The following CIB4 variants were observed in gnomAD, a reference collection of about 807,000 sequenced individuals.
CIB4 encodes calcium and integrin-binding family member 4.
A neutral mutation model predicts 25.8 loss-of-function variants in CIB4; 25 were observed. The observed-to-expected ratio is 0.97, with a 90% CI of 0.71 to 1.35. The LOEUF (loss-of-function observed/expected upper bound fraction) is 1.35, where lower values mean the gene tolerates loss of function less well. CIB4 is among the 40% of genes most tolerant of loss of function. The pLI, the probability that CIB4 is intolerant of heterozygous loss-of-function variation, is 0.00. For missense variants in CIB4, 235 were observed against 228.2 expected (o/e 1.03, Z -0.19); for synonymous variants, 75 against 81.4 (o/e 0.92, Z 0.42).
At chr2:26,592,639 T>TC (rs1229640764) in intron 4 of CIB4, among the ~76,000 whole-genome samples, 1 of 152,198 alleles carries the variant, frequency 6.6e-6, no homozygotes, top group Non-Finnish European at 1.5e-5. Context: ...TGTTCCCCTT[T>TC]CCCTTGAATA....
At chr2:26,625,068 G>A (rs1669274617) in intron 3 of CIB4, among the ~76,000 whole-genome samples, 1 of 151,798 alleles carries the variant, frequency 6.6e-6, no homozygotes, top group African/African-American at 2.4e-5. Flanking sequence ...TGTAAGTCTG[G>A]GACATACTGT....
At chr2:26,610,706 T>G (rs1668981741) in intron 3 of CIB4, among the ~76,000 whole-genome samples, 1 of 152,220 alleles carries the variant, frequency 6.6e-6, no homozygotes, top group African/African-American at 2.4e-5. Context: ...TGTTAAATAT[T>G]TACTGTATAT....
At chr2:26,626,039 G>C (rs1281880945) in intron 3 of CIB4, among the ~76,000 whole-genome samples, 1 of 152,178 alleles carries the variant, frequency 6.6e-6, no homozygotes, top group African/African-American at 2.4e-5. Context: ...AGATCAGATG[G>C]TTGTAGGTGT....
intron 3 of CIB4, among the ~76,000 whole-genome samples, chr2:26,609,935 C>T (rs1324708161): frequency 6.6e-6 from 1 of 152,202 alleles, no homozygotes; most frequent in African/African-American, 2.4e-5. Flanking sequence ...CTGTAACTAA[C>T]AGGATGAAGT....
At position 26,595,326 on chromosome 2, in the gene CIB4, G is replaced by A. The variant is rs368654483; in HGVS notation, c.187-9C>T. ...TCTCTGAAAGGGTTGACCTGTGGGC[G>A]ACAGGAGGAGCAGGGAGGAGGTCTA... On this transcript the variant is annotated splice_polypyrimidine_tract_variant and intron_variant, in intron 3 of 6. Coordinates refer to ENST00000288861, the MANE Select transcript of CIB4 (RefSeq NM_001029881.3). 8.3e-5 allele frequency: 134 copies of A among 1,609,578 alleles called. No individual in the cohort carries two copies. The highest frequency in any genetic ancestry group is 2.5e-4 in the East Asian group (11 of 44,760).
At chr2:26,616,464 G>A (rs969595452) in intron 3 of CIB4, among the ~76,000 whole-genome samples, 25 of 152,206 alleles carry the variant, frequency 1.6e-4, no homozygotes, top group African/African-American at 5.3e-4. Flanking sequence ...CTTTCTCAGT[G>A]GAAGATTTGT....
intron 3 of CIB4, among the ~76,000 whole-genome samples, chr2:26,626,152 A>G (rs781079709): frequency 6.6e-6 from 1 of 152,152 alleles, no homozygotes; most frequent in Non-Finnish European, 1.5e-5. Flanking sequence ...TAGTATAGTT[A>G]GCTGAAGTCT....
chr2:26,606,612 G>A (rs184162763), intron 3 of CIB4, among the ~76,000 whole-genome samples: 1 of 152,262 alleles, frequency 6.6e-6, no homozygotes, highest in Admixed American at 6.5e-5. Context: ...CTAGCTGGTT[G>A]GTATGACCCT....
rs1669631273 is a variant in CIB4 at position 26,641,304 on chromosome 2, C to T, written c.11G>A (p.Cys4Tyr). 6.2e-7 allele frequency: 1 copy of T among 1,613,802 alleles called. No homozygotes were observed. Among genetic ancestry groups the T allele is most frequent in the Non-Finnish European group, 8.5e-7 (1 of 1,179,794 alleles). Residue 4 changes from cysteine to tyrosine, a missense_variant, in exon 1 of 7, where the codon TGC (cysteine) becomes TAC (tyrosine). Transcript: ENST00000288861. The stretch of plus-strand genomic sequence containing the variant: ...CTCCCAGTGCATCTGATACCTCAAG[C>T]ATTGCCCCATGCCAACCACACCTTT... MGQ[C>Y]LRYQMHWEDL...
At chr2:26,611,058 G>A (rs1193581293) in intron 3 of CIB4, among the ~76,000 whole-genome samples, 3 of 152,214 alleles carry the variant, frequency 2.0e-5, no homozygotes, top group African/African-American at 7.2e-5. Flanking sequence ...AAAATGCCCC[G>A]TGAATCCCTG....
chr2:26,637,754 G>A (rs1310122756), intron 2 of CIB4, among the ~76,000 whole-genome samples: 6 of 152,134 alleles, frequency 3.9e-5, no homozygotes, highest in Non-Finnish European at 7.4e-5. Context: ...ACTCTTCAAA[G>A]CTCTTGACAG....
chr2:26,586,541 T>C (rs1329095569), intron 4 of CIB4, among the ~76,000 whole-genome samples: 1 of 152,224 alleles, frequency 6.6e-6, no homozygotes, highest in South Asian at 2.1e-4. Flanking sequence ...GGCAGACATC[T>C]TTGTCTTTTT....
chr2:26,628,344 A>G (rs1422792234), intron 3 of CIB4, among the ~76,000 whole-genome samples: 1 of 152,168 alleles, frequency 6.6e-6, no homozygotes, highest in Non-Finnish European at 1.5e-5. Context: ...CTGTGGGGCC[A>G]GGAGTCTTAG....
At chr2:26,638,269 G>A (rs904413242) in intron 2 of CIB4, among the ~76,000 whole-genome samples, 1 of 152,218 alleles carries the variant, frequency 6.6e-6, no homozygotes, top group East Asian at 1.9e-4. Flanking sequence ...CTTCTCCGGG[G>A]AAAGGCACCT....
intron 6 of CIB4, 122 bp from the exon 7 acceptor site, chr2:26,581,515 G>A: frequency 1.1e-6 from 1 of 948,702 alleles, no homozygotes; most frequent in East Asian, 2.5e-5. Context: ...CTTTCTCTGG[G>A]TGACGGCCAC....
chr2:26,621,072 G>C (rs1275703132), intron 3 of CIB4, among the ~76,000 whole-genome samples: 1 of 151,976 alleles, frequency 6.6e-6, no homozygotes, highest in Non-Finnish European at 1.5e-5. Flanking sequence ...AAAGAAAACA[G>C]AAGGGAGAAA....
chr2:26,590,719 G>T (rs1668573469), intron 4 of CIB4, among the ~76,000 whole-genome samples: 1 of 152,150 alleles, frequency 6.6e-6, no homozygotes, highest in Admixed American at 6.5e-5. Context: ...GAGAATTCAG[G>T]GTTGTCTGAG....
chr2:26,581,460 C>T (rs903226368), intron 6 of CIB4, 67 bp from the exon 7 acceptor site: 3 of 1,504,822 alleles, frequency 2.0e-6, no homozygotes. Flanking sequence ...CTCCTGGGTT[C>T]ACAGTAGTCC....
chr2:26,586,975 C>G (rs934154244), intron 4 of CIB4, among the ~76,000 whole-genome samples: 1 of 152,064 alleles, frequency 6.6e-6, no homozygotes, highest in African/African-American at 2.4e-5. Flanking sequence ...GACCTGGGAT[C>G]CCTGACACTG....
Sources: gnomAD v4.1 joint callset for allele counts (sites outside exome capture counted in the v4.1 genomes callset) on GRCh38, gnomAD v4.1.1 for gene constraint, MANE v1.5 for transcripts, NCBI Gene and HGNC (gene_info 2026-07-23, HGNC 2026-07-21) for gene names.